The following BAZ2A variants were observed in gnomAD, a reference collection of about 807,000 sequenced individuals.
BAZ2A encodes the protein bromodomain adjacent to zinc finger domain 2A.
A neutral mutation model predicts 199.9 loss-of-function variants in BAZ2A; 34 were observed. The observed-to-expected ratio is 0.17, with a 90% CI of 0.13 to 0.23. The LOEUF is 0.23. Among genes scored for constraint, BAZ2A ranks in the 10% least tolerant of loss-of-function variants. The pLI, the probability that BAZ2A is intolerant of heterozygous loss-of-function variation, is 1.00. For missense variants in BAZ2A, 2,002 were observed against 2,391.1 expected (o/e 0.84, Z 3.39); for synonymous variants, 857 against 883.9 (o/e 0.97, Z 0.54).
At chr12:56,630,981 C>T (rs1283251580), upstream of BAZ2A, 5 of 497,558 alleles carry the variant, frequency 1.0e-5, no homozygotes, top group South Asian at 1.7e-4. Context: ...CAAAAAGATG[C>T]CACAAATGTC....
intron 23 of BAZ2A, 57 bp from the exon 24 acceptor site, chr12:56,600,547 GA>G (rs945343361): frequency 1.4e-3 from 1,725 of 1,210,084 alleles, no homozygotes; most frequent in South Asian, 2.7e-3. Flanking sequence ...TTTGGCATAG[GA>G]AAAAAAAAAA....
chr12:56,617,503 T>A lies in BAZ2A; in HGVS notation c.28A>T (p.Thr10Ser). 1 of 1,607,872 alleles carries A rather than the reference T, an allele frequency of 6.2e-7. No homozygotes were observed. The highest frequency in any genetic ancestry group is 1.3e-5 in the African/African-American group (1 of 74,580). MEANDHFNF[T>S]GLPPAPAASG... ...GCAGCAGGTGCAGGGGGAAGGCCAG[T>A]AAAGTTAAAATGGTCGTTTGCCTCC... is the stretch of plus-strand genomic sequence containing the variant. The change falls in exon 2 of 29, where the codon ACT (threonine) becomes TCT (serine). Residue 10 changes from threonine to serine, a missense_variant. By Grantham distance (58) the Thr-to-Ser change is moderately conservative. This residue lies in a region of BAZ2A where 641 missense variants were observed against 694.5 expected (regional missense o/e 0.92). Coordinates refer to ENST00000549884, the MANE Select transcript of BAZ2A (RefSeq NM_001300905.2).
chr12:56,630,269 G>C lies in BAZ2A; in HGVS notation c.-147C>G. ...GGTCCGGGGTTCGGGAAGGGGGAGG[G>C]GGACGCGGCTCAACCGCGGGGCCCG... On this transcript the variant is annotated 5_prime_UTR_variant, in exon 1 of 29. Transcript: ENST00000549884. 1 of 984,188 alleles carries C rather than the reference G, an allele frequency of 1.0e-6. No homozygotes were observed. The highest frequency in any genetic ancestry group is 1.2e-6 in the Non-Finnish European group (1 of 828,754). The allele number at this position is 984,188 out of a possible 1,614,324, so 61.0% of individuals were successfully genotyped here. A position where few individuals can be genotyped will look rare whatever the true frequency, so the allele number is the denominator to read the frequency against.
At chr12:56,611,250 C>T (rs1421471341) in intron 7 of BAZ2A, 8 of 443,592 alleles carry the variant, frequency 1.8e-5, no homozygotes, top group African/African-American at 1.6e-4. Flanking sequence ...ATTACTATCC[C>T]TTGTCCACAG....
At chr12:56,620,118 G>A (rs115559657) in intron 1 of BAZ2A, among the ~76,000 whole-genome samples, 370 of 151,712 alleles carry the variant, frequency 2.4e-3, no homozygotes, top group African/African-American at 8.7e-3. Context: ...ACTGGAAGAA[G>A]TGTCTTGGGC....
At chr12:56,628,244 T>G (rs78968737) in intron 1 of BAZ2A, among the ~76,000 whole-genome samples, 1,537 of 80,574 alleles carry the variant, frequency 0.019, 30 homozygotes, top group African/African-American at 0.064. Flanking sequence ...GAAAGAAAAA[T>G]AAAATTCTGT....
chr12:56,605,945 C>T lies in BAZ2A; in HGVS notation c.2378G>A (p.Cys793Tyr). ...TGTGGCCAGGGTCTTATCTGCTTTA[C>T]AGGCTGGCTTGGCTTTGGTCACCTC... ...KEEVTKAKPA[C>Y]KADKTLATQR... Residue 793 changes from cysteine (C) to tyrosine (Y), a missense_variant, in exon 13 of 29, where the codon TGT (cysteine) becomes TAT (tyrosine). Cys to Tyr is a radical substitution (Grantham distance 194, BLOSUM62 -2). Around this residue, in one of 6 missense-constraint regions of BAZ2A, gnomAD observed 1,081 missense variants for 1,274.7 expected, o/e 0.85. Coordinates refer to ENST00000549884, the MANE Select transcript of BAZ2A (RefSeq NM_001300905.2). The T allele has an allele frequency of 6.4e-7, 1 of 1,561,100 alleles. No homozygotes were observed. Among genetic ancestry groups the T allele is most frequent in the Non-Finnish European group, 8.7e-7 (1 of 1,152,016 alleles).
At position 56,598,370 on chromosome 12, in the gene BAZ2A, TTTC is replaced by T. The variant is rs1886047781; in HGVS notation, c.*245_*247del. The stretch of plus-strand genomic sequence containing the variant: ...ACAGAAAAGAAAAATTATTTTTTTC[TTTC>T]TTTTTTTGGCTTTTAGTCCAGAAGG... On this transcript the variant is annotated 3_prime_UTR_variant, in exon 29 of 29. Transcript: ENST00000549884. 2.4e-6 allele frequency: 1 copy of T among 416,124 alleles called. No homozygotes were observed. The highest frequency in any genetic ancestry group is 4.2e-6 in the Non-Finnish European group (1 of 236,946). The allele number at this position is 416,124 out of a possible 1,614,324, so 25.8% of individuals were successfully genotyped here.
Position 56,601,337 on chromosome 12 carries a change from C to T in BAZ2A, c.4137G>A (p.Gly1379=). ...CTCCTGCTCGCCTCTTAGGGGCCAACCCAGCCAAGGGCGTGGAAGAGAACT... is the reference window on the plus strand; with the variant it reads ...CTCCTGCTCGCCTCTTAGGGGCCAATCCAGCCAAGGGCGTGGAAGAGAACT... ...PVQFSSTPLA[G]LAPKRRAGDP... The change falls in exon 21 of 29, where the codon GGG becomes GGA. Residue 1379 remains glycine (G), a synonymous_variant. Coordinates refer to ENST00000549884, the MANE Select transcript of BAZ2A (RefSeq NM_001300905.2). 4 of 1,614,004 alleles carry T rather than the reference C, an allele frequency of 2.5e-6. No individual in the cohort carries two copies. The highest frequency in any genetic ancestry group is 3.4e-6 in the Non-Finnish European group (4 of 1,179,884).
intron 3 of BAZ2A, 66 bp from the exon 4 acceptor site, chr12:56,614,204 T>C: frequency 6.8e-7 from 1 of 1,472,938 alleles, no homozygotes; most frequent in Non-Finnish European, 9.3e-7. Flanking sequence ...TTAGCTATAC[T>C]AGGCAGTCAA....
chr12:56,635,013 G>T (rs1439406609), upstream of BAZ2A: 14 of 984,548 alleles, frequency 1.4e-5, no homozygotes, highest in African/African-American at 1.8e-5. This position sits in a 1 kb window ranked among gnomAD's most constrained non-coding sequence, Gnocchi z 4.1. Flanking sequence ...CCGGGCGGCG[G>T]CTGCGCCTCC....
intron 2 of BAZ2A, among the ~76,000 whole-genome samples, chr12:56,616,299 A>AG (rs1950721360): frequency 6.6e-6 from 1 of 151,980 alleles, no homozygotes; most frequent in East Asian, 1.9e-4. Context: ...CTTCCCTTGG[A>AG]GGGGCATGAC....
chr12:56,614,681 T>C (rs954620524), intron 3 of BAZ2A, among the ~76,000 whole-genome samples: 2 of 152,206 alleles, frequency 1.3e-5, no homozygotes, highest in African/African-American at 4.8e-5. Context: ...ACAGCCTCAA[T>C]GCCCGCTGCT....
rs2137113453 is a variant in BAZ2A at position 56,617,621 on chromosome 12, C to G, written c.-2-89G>C. ...ATCTTCCAGGGGCAATGACCCCTCC[C>G]CTCCACCTACTTACCCTTCTCCTAC... On this transcript the variant is annotated intron_variant, in intron 1 of 28. Coordinates refer to ENST00000549884, the MANE Select transcript of BAZ2A (RefSeq NM_001300905.2). The G allele has an allele frequency of 4.4e-6, 6 of 1,370,110 alleles. No homozygotes were observed. The East Asian group carries it at 1.5e-4, about 35-fold the overall frequency. The allele number at this position is 1,370,110 out of a possible 1,614,324, so 84.9% of individuals were successfully genotyped here.
At chr12:56,626,524 T>C (rs1951100719) in intron 1 of BAZ2A, among the ~76,000 whole-genome samples, 1 of 152,228 alleles carries the variant, frequency 6.6e-6, no homozygotes, top group African/African-American at 2.4e-5. Context: ...CATTCTAGAC[T>C]GGCTCTGGGG....
rs771110460 is a variant in BAZ2A, at chr12:56,600,474, C to G, written c.4619G>C (p.Ser1540Thr). ...DLQIRGWTCPSPDSTREDLAY... is the reference protein window; with the variant it reads ...DLQIRGWTCPTPDSTREDLAY... The stretch of plus-strand genomic sequence containing the variant: ...CAAGTCTTCACGGGTAGAGTCTGGG[C>G]TAGGACATGTCCAGCCCTTCAGTTA... Residue 1540 changes from serine to threonine, a missense_variant, in exon 24 of 29, where the codon AGC becomes ACC. Ser to Thr is a moderately conservative substitution (Grantham distance 58). Around this residue, in one of 6 missense-constraint regions of BAZ2A, gnomAD observed 1,081 missense variants for 1,274.7 expected, o/e 0.85. Coordinates refer to ENST00000549884, the MANE Select transcript of BAZ2A (RefSeq NM_001300905.2). 3.1e-6 allele frequency: 5 copies of G among 1,612,966 alleles called. No homozygotes were observed. The highest frequency in any genetic ancestry group is 4.2e-6 in the Non-Finnish European group (5 of 1,179,702).
Position 56,616,049 on chromosome 12 carries a change from G to A in BAZ2A, c.137-442C>T, listed in dbSNP as rs184423249. On this transcript the variant is annotated intron_variant, in intron 2 of 28. Coordinates refer to ENST00000549884, the MANE Select transcript of BAZ2A (RefSeq NM_001300905.2). Reference sequence around the variant, plus strand: ...CTCCCGAGTAGCTGGGACCACAGGCGCCCATCACCACGCCCGGCTAATTTT... The same window carrying A: ...CTCCCGAGTAGCTGGGACCACAGGCACCCATCACCACGCCCGGCTAATTTT... Among the ~76,000 whole-genome samples the A allele has an allele frequency of 9.1e-4, 138 of 152,172 alleles. 1 individual carries two copies. In the Middle Eastern group the frequency reaches 0.017, roughly 19 times the overall value.
At chr12:56,618,614 A>T (rs549932479) in intron 1 of BAZ2A, among the ~76,000 whole-genome samples, 28 of 152,320 alleles carry the variant, frequency 1.8e-4, no homozygotes, top group Admixed American at 5.9e-4. Context: ...ACTACATTTT[A>T]AAAAAGAGAA....
intron 1 of BAZ2A, among the ~76,000 whole-genome samples, chr12:56,623,011 C>T (rs978124054): frequency 2.0e-5 from 3 of 151,904 alleles, no homozygotes; most frequent in African/African-American, 7.3e-5. Flanking sequence ...CCGAGGTGAG[C>T]GGATCACGAG....
Sources: gnomAD v4.1 joint callset for allele counts (sites outside exome capture counted in the v4.1 genomes callset) on GRCh38, gnomAD v4.1.1 for gene constraint, gnomAD v4.1.1 regional missense constraint, Gnocchi (gnomAD v3.1) non-coding constraint, MANE v1.5 for transcripts, NCBI Gene and HGNC (gene_info 2026-07-23, HGNC 2026-07-21) for gene names.